The following MTMR7 variants were observed in gnomAD, a reference collection of about 807,000 sequenced individuals.
MTMR7 encodes phosphatidylinositol-3-phosphate phosphatase MTMR7.
In MTMR7, 76 loss-of-function variants were observed where a neutral mutation model predicts 81.2. That is an observed-to-expected ratio of 0.94 (90% CI 0.78 to 1.13). MTMR7 has a LOEUF of 1.13. Among genes scored for constraint, MTMR7 ranks in the 50% most tolerant of loss-of-function variants. MTMR7 has a pLI of 0.00. For missense variants in MTMR7, 1,044 were observed against 820.0 expected, an observed-to-expected ratio of 1.27 and a Z score of -3.34; for synonymous variants, 372 against 289.8, an observed-to-expected ratio of 1.28 and a Z score of -2.88.
intron 4 of MTMR7, among the ~76,000 whole-genome samples, chr8:17,352,212 CA>C (rs1258763764): frequency 1.3e-5 from 2 of 152,226 alleles, no homozygotes; most frequent in African/African-American, 4.8e-5. Flanking sequence ...ATCTATTTTG[CA>C]GCAATCAAAC....
chr8:17,389,462 C>A (rs975487949), intron 1 of MTMR7, among the ~76,000 whole-genome samples: 12 of 152,168 alleles, frequency 7.9e-5, no homozygotes, highest in African/African-American at 2.9e-4. Flanking sequence ...CCTGAAACAA[C>A]AATGATCACA....
At chr8:17,326,749 A>G (rs1055917856) in intron 7 of MTMR7, among the ~76,000 whole-genome samples, 4 of 152,158 alleles carry the variant, frequency 2.6e-5, no homozygotes, top group Non-Finnish European at 2.9e-5. Context: ...TCCCTGTTCA[A>G]ACTTCCTGAT....
At chr8:17,376,608 CTCTT>C (rs1820597615) in intron 1 of MTMR7, among the ~76,000 whole-genome samples, 1 of 152,112 alleles carries the variant, frequency 6.6e-6, no homozygotes, top group Non-Finnish European at 1.5e-5. Context: ...TTATTATAAT[CTCTT>C]TTTTTGATTA....
intron 7 of MTMR7, among the ~76,000 whole-genome samples, chr8:17,324,341 TG>T (rs1358451796): frequency 1.3e-5 from 2 of 152,368 alleles, no homozygotes; most frequent in East Asian, 3.9e-4. Context: ...CCTGAGGCTC[TG>T]CATAATCTAC....
Position 17,341,393 on chromosome 8 carries a change from G to A in MTMR7, c.702C>T (p.Asp234=), listed in dbSNP as rs374129963. 8.7e-6 allele frequency: 14 copies of A among 1,614,080 alleles called. No homozygotes were observed. In the Admixed American group the frequency reaches 2.0e-4, roughly 23 times the overall value. The change falls in exon 6 of 14, where the codon GAC becomes GAT. Residue 234 remains aspartate, a synonymous_variant. Transcript: ENST00000180173. ...QAIRKANPGS[D]FVYVVDTRPK... The stretch of plus-strand genomic sequence containing the variant: ...GCCGGGTGTCAACGACATAAACGAA[G>A]TCACTTCCTGGATTGGCTTTCCTAA...
intron 10 of MTMR7, among the ~76,000 whole-genome samples, chr8:17,307,517 C>G (rs1408493354): frequency 6.6e-6 from 1 of 152,036 alleles, no homozygotes; most frequent in Non-Finnish European, 1.5e-5. Context: ...ACCATTTGAC[C>G]CAGCCATCCC....
At chr8:17,328,926 T>C (rs953486506) in intron 7 of MTMR7, among the ~76,000 whole-genome samples, 1 of 152,218 alleles carries the variant, frequency 6.6e-6, no homozygotes, top group Non-Finnish European at 1.5e-5. Context: ...AAGTTAAAAT[T>C]AGATCATCTC....
chr8:17,373,386 A>C, intron 1 of MTMR7, 146 bp from the exon 2 acceptor site: 1 of 877,504 alleles, frequency 1.1e-6, no homozygotes, highest in Non-Finnish European at 1.7e-6. Flanking sequence ...ACTTCCCCTT[A>C]AGTTAATCGG....
chr8:17,396,990 G>A (rs907897317), intron 1 of MTMR7, among the ~76,000 whole-genome samples: 3 of 151,886 alleles, frequency 2.0e-5, no homozygotes, highest in South Asian at 2.1e-4. Context: ...GAAACCTGCC[G>A]AATGGAAGAG....
intron 7 of MTMR7, among the ~76,000 whole-genome samples, chr8:17,323,630 T>C (rs1377731606): frequency 6.6e-6 from 1 of 152,092 alleles, no homozygotes; most frequent in African/African-American, 2.4e-5. Context: ...TGAGCAGCAC[T>C]TGCAGCAGAG....
rs925359606 is a variant in MTMR7 at position 17,302,496 on chromosome 8, G to C, written c.1494-216C>G. The C allele has an allele frequency of 2.5e-5, 12 of 475,772 alleles. No individual in the cohort carries two copies. The East Asian group carries it at 3.7e-4, about 15-fold the overall frequency. The allele number at this position is 475,772 out of a possible 1,614,324, so 29.5% of individuals were successfully genotyped here. ...TTTGGGGAGAATAAGTTTATGAAAAGTCTGCCTGTATATATGAATTAGCAC... is the reference window on the plus strand; with the variant it reads ...TTTGGGGAGAATAAGTTTATGAAAACTCTGCCTGTATATATGAATTAGCAC... On this transcript the variant is annotated intron_variant, in intron 12 of 13. Coordinates refer to ENST00000180173, the MANE Select transcript of MTMR7 (RefSeq NM_004686.5).
intron 3 of MTMR7, among the ~76,000 whole-genome samples, chr8:17,365,179 G>T (rs932194408): frequency 6.6e-6 from 1 of 152,260 alleles, no homozygotes; most frequent in African/African-American, 2.4e-5. Context: ...GAGGTTGAGC[G>T]TTTGTTCATG....
chr8:17,411,381 C>T (rs1163610435), intron 1 of MTMR7, among the ~76,000 whole-genome samples: 2 of 152,208 alleles, frequency 1.3e-5, no homozygotes, highest in Non-Finnish European at 2.9e-5. Flanking sequence ...ACCCACTGCA[C>T]CTTGCACATG....
intron 1 of MTMR7, among the ~76,000 whole-genome samples, chr8:17,394,529 G>C (rs1409402996): frequency 1.3e-5 from 2 of 152,116 alleles, no homozygotes; most frequent in Non-Finnish European, 2.9e-5. Context: ...CAGGGTGTAG[G>C]GAGAGAGAAA....
rs1009554443 is a variant in MTMR7 at position 17,299,126 on chromosome 8, A to C, written c.*736T>G. On this transcript the variant is annotated 3_prime_UTR_variant, in exon 14 of 14. Transcript: ENST00000180173. Reference sequence around the variant, plus strand: ...CAAGAAAGCTGATACTTAAATTCATATGTAAGACCAGGAGAATGAATGTTG... The same window carrying C: ...CAAGAAAGCTGATACTTAAATTCATCTGTAAGACCAGGAGAATGAATGTTG... The C allele has an allele frequency of 3.3e-5, 5 of 152,226 alleles. No homozygotes were observed. The highest frequency in any genetic ancestry group is 1.2e-4 in the African/African-American group (5 of 41,460). 9.4% of individuals were successfully genotyped at this position (152,226 alleles called of 1,614,324 possible).
At chr8:17,375,228 G>T (rs1820546014) in intron 1 of MTMR7, among the ~76,000 whole-genome samples, 1 of 152,084 alleles carries the variant, frequency 6.6e-6, no homozygotes, top group South Asian at 2.1e-4. Flanking sequence ...CAGGACCCAA[G>T]ACCTCCCATT....
rs140307698 is a variant in MTMR7 at position 17,342,343 on chromosome 8, T to C, written c.598-846A>G. On this transcript the variant is annotated intron_variant, in intron 5 of 13. Coordinates refer to ENST00000180173, the MANE Select transcript of MTMR7 (RefSeq NM_004686.5). ...GCCTGAATGACTCAAAGCATCTACA[T>C]TGAGACTGTAAGTCCACAGTGTGAA... Among the ~76,000 whole-genome samples, 96 of 152,282 alleles carry C rather than the reference T, an allele frequency of 6.3e-4. 2 individuals carry two copies. The highest frequency in any genetic ancestry group is 1.6e-3 in the African/African-American group (67 of 41,566).
intron 1 of MTMR7, among the ~76,000 whole-genome samples, chr8:17,388,890 A>G (rs1821022898): frequency 6.6e-6 from 1 of 152,206 alleles, no homozygotes; most frequent in Non-Finnish European, 1.5e-5. Context: ...GAAGACCCCA[A>G]GGACAGACTG....
At chr8:17,348,836 A>G (rs759383366) in intron 5 of MTMR7, 117 bp downstream of exon 5, 1 of 1,258,634 alleles carries the variant, frequency 7.9e-7, no homozygotes, top group Non-Finnish European at 1.1e-6. Context: ...GAATATCCAC[A>G]TACCTTCTGA....
Sources: gnomAD v4.1 joint callset for allele counts (sites outside exome capture counted in the v4.1 genomes callset) on GRCh38, gnomAD v4.1.1 for gene constraint, MANE v1.5 for transcripts, NCBI Gene and HGNC (gene_info 2026-07-23, HGNC 2026-07-21) for gene names.